Variants in LRP1B observed in about 807,000 individuals in gnomAD.
The protein encoded by LRP1B is low-density lipoprotein receptor-related protein 1B.
LRP1B carries 217 observed loss-of-function variants against 556.6 expected under a neutral mutation model. That is an observed-to-expected ratio of 0.39 (90% confidence interval 0.35 to 0.44). The LOEUF is 0.44. Ranked by LOEUF, LRP1B falls within the 20% of genes least tolerant of loss-of-function variation. The probability of loss-of-function intolerance (pLI) is 1.00; values close to 1 mark genes in which losing one functional copy is unlikely to be tolerated. For synonymous variants in LRP1B, 2,047 were observed against 1,865.8 expected (o/e 1.10, Z -2.50); for missense variants, 5,053 against 5,620.8 (o/e 0.90, Z 3.23).
chr2:141,156,255 GAGCTGGATTTTGA>G lies in LRP1B; in HGVS notation c.1013+32153_1013+32165del, dbSNP rs1189839605. The stretch of plus-strand genomic sequence containing the variant: ...AAGAAGTAGGCTCTTCAAGGTATAG[GAGCTGGATTTTGA>G]AGCACTTAGTGTGCCGATCCCTCTC... On this transcript the variant is annotated intron_variant, in intron 7 of 90. Coordinates refer to ENST00000389484, the MANE Select transcript of LRP1B (RefSeq NM_018557.3). Among the ~76,000 whole-genome samples the G allele has an allele frequency of 2.0e-5, 3 of 152,094 alleles. No homozygotes were observed. In the East Asian group the frequency reaches 5.8e-4, roughly 29 times the overall value.
chr2:141,045,805 A>G (rs1038457338), intron 11 of LRP1B, among the ~76,000 whole-genome samples: 1 of 152,202 alleles, frequency 6.6e-6, no homozygotes, highest in African/African-American at 2.4e-5. Context: ...TAATTTTTAA[A>G]AAAGGAATAG....
intron 1 of LRP1B, among the ~76,000 whole-genome samples, chr2:142,117,091 A>C (rs1330852604): frequency 6.6e-6 from 1 of 152,026 alleles, no homozygotes; most frequent in Non-Finnish European, 1.5e-5. Context: ...GTTACTTCCC[A>C]CACGGAATAT....
At chr2:141,176,207 G>A (rs1422690230) in intron 7 of LRP1B, among the ~76,000 whole-genome samples, 1 of 152,072 alleles carries the variant, frequency 6.6e-6, no homozygotes, top group African/African-American at 2.4e-5. Context: ...TGGGAGACTG[G>A]TGGGAAGCAT....
At chr2:141,846,960 T>G (rs995685112) in intron 1 of LRP1B, among the ~76,000 whole-genome samples, 3 of 151,610 alleles carry the variant, frequency 2.0e-5, no homozygotes, top group Non-Finnish European at 4.4e-5. Flanking sequence ...AATGTTCCTA[T>G]GCTACTCAAG....
rs767813583 is a variant in LRP1B at position 140,770,989 on chromosome 2, G to A, written c.5518C>T (p.Leu1840=). ...EAQQGSNSCQ[L]NNGGCSQLCL... Reference sequence around the variant, plus strand: ...AGTTGAGAGCATCCACCATTGTTTAGTTGGCAGGAATTGCTGCCTGCATAG... The same window carrying A: ...AGTTGAGAGCATCCACCATTGTTTAATTGGCAGGAATTGCTGCCTGCATAG... Residue 1840 remains leucine (L), a synonymous_variant, in exon 34 of 91, where the codon CTA becomes TTA. Transcript: ENST00000389484. 6.3e-6 allele frequency: 10 copies of A among 1,577,824 alleles called. No individual in the cohort carries two copies. Among genetic ancestry groups the A allele is most frequent in the Non-Finnish European group, 7.7e-6 (9 of 1,166,862 alleles).
chr2:140,827,961 G>C (rs1217375874), intron 31 of LRP1B, among the ~76,000 whole-genome samples: 1 of 124,130 alleles, frequency 8.1e-6, no homozygotes, highest in Non-Finnish European at 1.8e-5. Context: ...AGAGTGGGGT[G>C]ACATAGTTAA....
At chr2:141,253,464 A>C (rs1047397941) in intron 4 of LRP1B, among the ~76,000 whole-genome samples, 2 of 152,154 alleles carry the variant, frequency 1.3e-5, no homozygotes, top group Non-Finnish European at 2.9e-5. Flanking sequence ...CTAAAATTCA[A>C]TTCCCAAATG....
At chr2:140,376,464 A>T (rs1356415305) in intron 68 of LRP1B, among the ~76,000 whole-genome samples, 1 of 152,184 alleles carries the variant, frequency 6.6e-6, no homozygotes, top group Non-Finnish European at 1.5e-5. Flanking sequence ...AGTTTAATTA[A>T]AATGTGTTTT....
chr2:140,943,064 G>A (rs1695446661), intron 20 of LRP1B, among the ~76,000 whole-genome samples: 1 of 152,036 alleles, frequency 6.6e-6, no homozygotes, highest in Admixed American at 6.6e-5. Flanking sequence ...GAGACACATA[G>A]GTTCAAAGTG....
chr2:140,933,980 T>C (rs1695128523), intron 20 of LRP1B, among the ~76,000 whole-genome samples: 2 of 152,100 alleles, frequency 1.3e-5, no homozygotes, highest in South Asian at 4.2e-4. Flanking sequence ...AGAGGTTTCC[T>C]ATGGATAAAA....
intron 1 of LRP1B, among the ~76,000 whole-genome samples, chr2:141,899,908 T>C (rs1699565125): frequency 6.6e-6 from 1 of 152,002 alleles, no homozygotes; most frequent in African/African-American, 2.4e-5. Flanking sequence ...CTCTACCCCC[T>C]GCTTGGCAAG....
intron 43 of LRP1B, among the ~76,000 whole-genome samples, chr2:140,581,960 C>T (rs879885723): frequency 3.9e-5 from 6 of 152,050 alleles, no homozygotes; most frequent in Admixed American, 3.3e-4. Context: ...CCCCTAATAT[C>T]GGTAATATGA....
chr2:140,712,325 TCTTTCTTCCC>T (rs1687060586), intron 37 of LRP1B, among the ~76,000 whole-genome samples: 1 of 152,098 alleles, frequency 6.6e-6, no homozygotes, highest in African/African-American at 2.4e-5. Context: ...TTGCTTGATC[TCTTTCTTCCC>T]CTTTTCGACT....
intron 23 of LRP1B, among the ~76,000 whole-genome samples, chr2:140,894,668 G>A (rs890395685): frequency 2.0e-5 from 3 of 152,216 alleles, no homozygotes; most frequent in Middle Eastern, 3.4e-3. Context: ...AAAATGATAG[G>A]CCGGGCACGG....
rs1296459621 is a variant in LRP1B at position 140,754,794 on chromosome 2, G to A, written c.5758+14419C>T. Among the ~76,000 whole-genome samples the A allele has an allele frequency of 3.4e-5, 5 of 148,596 alleles. No homozygotes were observed. In the East Asian group the frequency reaches 9.9e-4, roughly 29 times the overall value. On this transcript the variant is annotated intron_variant, in intron 35 of 90. Coordinates refer to ENST00000389484, the MANE Select transcript of LRP1B (RefSeq NM_018557.3). ...GAAAAAAAAAAACAGCAAACAAGCAGAAACAAGGACACGATAAAGATTAGA... is the reference window on the plus strand; with the variant it reads ...GAAAAAAAAAAACAGCAAACAAGCAAAAACAAGGACACGATAAAGATTAGA...
At chr2:141,866,087 T>C (rs1698404557) in intron 1 of LRP1B, among the ~76,000 whole-genome samples, 1 of 152,238 alleles carries the variant, frequency 6.6e-6, no homozygotes. Context: ...AGGATTTTAG[T>C]GACCCCCCAG....
chr2:141,167,986 T>C (rs1363106101), intron 7 of LRP1B, among the ~76,000 whole-genome samples: 3 of 151,972 alleles, frequency 2.0e-5, no homozygotes, highest in Admixed American at 6.6e-5. Context: ...TGACAAATAA[T>C]AGAAATAAAA....
At chr2:140,860,958 G>A (rs1692769399) in intron 27 of LRP1B, among the ~76,000 whole-genome samples, 1 of 151,456 alleles carries the variant, frequency 6.6e-6, no homozygotes, top group Non-Finnish European at 1.5e-5. Flanking sequence ...TGTGTAAAAC[G>A]AAGTAAGAGA....
At position 140,959,236 on chromosome 2, in the gene LRP1B, C is replaced by T. The variant is rs955572831; in HGVS notation, c.2888-7296G>A. ...ATGTAAGAATTAATGTGATCCTTAA[C>T]GAGAGATACAGGATTAGAAGAGAGT... On this transcript the variant is annotated intron_variant, in intron 18 of 90. Coordinates refer to ENST00000389484, the MANE Select transcript of LRP1B (RefSeq NM_018557.3). 4.6e-5 allele frequency among the ~76,000 whole-genome samples: 7 copies of T among 151,234 alleles called. No individual in the cohort carries two copies. In the East Asian group the frequency reaches 9.6e-4, roughly 21 times the overall value.
Sources: gnomAD v4.1 joint callset for allele counts (sites outside exome capture counted in the v4.1 genomes callset) on GRCh38, gnomAD v4.1.1 for gene constraint, MANE v1.5 for transcripts, NCBI Gene and HGNC (gene_info 2026-07-23, HGNC 2026-07-21) for gene names.